The following GPR39 variants were observed in gnomAD, a reference collection of about 807,000 sequenced individuals.
The protein encoded by GPR39 is G protein-coupled receptor 39.
Under a neutral mutation model 18.4 loss-of-function variants are expected in GPR39, and 23 were observed. The observed-to-expected ratio is 1.25, with a 90% confidence interval of 0.90 to 1.77. The LOEUF (loss-of-function observed/expected upper bound fraction) is 1.77, where lower values mean the gene tolerates loss of function less well. GPR39 is among the 40% of genes most tolerant of loss of function. The pLI is 0.00. For synonymous variants in GPR39, 280 were observed against 257.9 expected (o/e 1.09, Z -0.82); for missense variants, 647 against 602.4 (o/e 1.07, Z -0.78).
chr2:132,549,775 C>T (rs770929244), intron 1 of GPR39, among the ~76,000 whole-genome samples: 2 of 151,728 alleles, frequency 1.3e-5, no homozygotes, highest in Non-Finnish European at 2.9e-5. Context: ...TGACAGAGCA[C>T]GACTCCGTCT....
intron 1 of GPR39, among the ~76,000 whole-genome samples, chr2:132,549,330 T>C (rs1359042997): frequency 6.6e-6 from 1 of 152,206 alleles, no homozygotes; most frequent in African/African-American, 2.4e-5. Context: ...GGAGGTCTAC[T>C]GTGTCGATTA....
chr2:132,492,214 A>G (rs1342273083), intron 1 of GPR39, among the ~76,000 whole-genome samples: 1 of 145,852 alleles, frequency 6.9e-6, no homozygotes, highest in Non-Finnish European at 1.5e-5. Context: ...TACCATATAT[A>G]TACATACCAT....
At chr2:132,633,639 C>T (rs891874137) in intron 1 of GPR39, among the ~76,000 whole-genome samples, 12 of 152,088 alleles carry the variant, frequency 7.9e-5, no homozygotes, top group East Asian at 5.8e-4. Flanking sequence ...GTCTTGGTGA[C>T]AGTGATGATG....
At chr2:132,552,863 CATATATATACACATATATATAT>C (rs1680071052) in intron 1 of GPR39, among the ~76,000 whole-genome samples, 2 of 134,896 alleles carry the variant, frequency 1.5e-5, no homozygotes, top group African/African-American at 5.7e-5. Context: ...TATATATATA[CATATATATACACATATATATAT>C]ACACACATAT....
At chr2:132,616,917 C>T (rs941454715) in intron 1 of GPR39, among the ~76,000 whole-genome samples, 1 of 152,244 alleles carries the variant, frequency 6.6e-6, no homozygotes, top group East Asian at 1.9e-4. Context: ...TACTGTTGAG[C>T]TGGATGCTCC....
intron 1 of GPR39, among the ~76,000 whole-genome samples, chr2:132,448,940 A>G (rs1369420750): frequency 6.6e-6 from 1 of 152,220 alleles, no homozygotes; most frequent in African/African-American, 2.4e-5. Flanking sequence ...CAATGGTGTG[A>G]TGCAGATTTC....
intron 1 of GPR39, among the ~76,000 whole-genome samples, chr2:132,585,265 C>T (rs911724887): frequency 3.9e-5 from 6 of 152,018 alleles, no homozygotes; most frequent in Non-Finnish European, 4.4e-5. Context: ...ACATTGCTGC[C>T]GTCCCCAGCT....
chr2:132,600,202 A>G (rs980706290), intron 1 of GPR39, among the ~76,000 whole-genome samples: 26 of 152,262 alleles, frequency 1.7e-4, no homozygotes, highest in Non-Finnish European at 2.9e-5. Context: ...CTCGTAATGA[A>G]TGAAAATAGA....
intron 1 of GPR39, among the ~76,000 whole-genome samples, chr2:132,478,125 A>G (rs1027369298): frequency 5.3e-5 from 8 of 152,264 alleles, no homozygotes; most frequent in African/African-American, 1.9e-4. Context: ...ACTTGGCATT[A>G]CAATGACTCT....
chr2:132,455,678 G>C (rs187063378), intron 1 of GPR39, among the ~76,000 whole-genome samples: 2 of 152,140 alleles, frequency 1.3e-5, no homozygotes, highest in African/African-American at 4.8e-5. Context: ...CTGGTATGTT[G>C]TGTCTTTGTT....
intron 1 of GPR39, among the ~76,000 whole-genome samples, chr2:132,498,075 A>AT (rs1309753123): frequency 1.3e-5 from 2 of 152,104 alleles, no homozygotes; most frequent in Non-Finnish European, 2.9e-5. Context: ...ACTGATGTAT[A>AT]TTTTTTTAAT....
chr2:132,517,462 T>A (rs1250642178), intron 1 of GPR39, among the ~76,000 whole-genome samples: 1 of 152,174 alleles, frequency 6.6e-6, no homozygotes, highest in Non-Finnish European at 1.5e-5. Flanking sequence ...TAGTGCCCTG[T>A]GAAGCATGTG....
chr2:132,545,598 G>A (rs1266069632), intron 1 of GPR39, among the ~76,000 whole-genome samples: 1 of 152,044 alleles, frequency 6.6e-6, no homozygotes, highest in Non-Finnish European at 1.5e-5. Flanking sequence ...AAGACCCAGA[G>A]TTGAATAACA....
intron 1 of GPR39, among the ~76,000 whole-genome samples, chr2:132,562,219 C>T (rs1248296764): frequency 6.6e-6 from 1 of 152,114 alleles, no homozygotes; most frequent in Non-Finnish European, 1.5e-5. Context: ...CCACTGCTTT[C>T]ATCTCTTCTC....
Position 132,646,513 on chromosome 2 carries a change from C to CCAATACCTGTGAATACCTGTTAA in GPR39, c.*908_*930dup. On this transcript the variant is annotated 3_prime_UTR_variant, in exon 2 of 2. Coordinates refer to ENST00000329321, the MANE Select transcript of GPR39 (RefSeq NM_001508.3). ...ACTGTTCCAAAAGCGATTTGAGATG[C>CCAATACCTGTGAATACCTGTTAA]CAATACCTGTGAATACCTGTTAATA... 2.6e-6 allele frequency: 1 copy of CCAATACCTGTGAATACCTGTTAA among 391,016 alleles called. No individual in the cohort carries two copies. Among genetic ancestry groups the CCAATACCTGTGAATACCTGTTAA allele is most frequent in the Non-Finnish European group, 4.5e-6 (1 of 221,880 alleles). The allele number at this position is 391,016 out of a possible 1,614,324, so 24.2% of individuals were successfully genotyped here. A position where few individuals can be genotyped will look rare whatever the true frequency, so the allele number is the denominator to read the frequency against.
intron 1 of GPR39, among the ~76,000 whole-genome samples, chr2:132,534,092 A>G (rs937179983): frequency 1.3e-5 from 2 of 152,234 alleles, no homozygotes; most frequent in African/African-American, 4.8e-5. Flanking sequence ...CAACCTACTC[A>G]TCTGACAAAG....
At chr2:132,554,556 G>T (rs1342431240) in intron 1 of GPR39, among the ~76,000 whole-genome samples, 1 of 152,186 alleles carries the variant, frequency 6.6e-6, no homozygotes, top group Non-Finnish European at 1.5e-5. Context: ...TAGGCTGAAG[G>T]CCATCACTGA....
intron 1 of GPR39, among the ~76,000 whole-genome samples, chr2:132,556,734 C>T (rs1186848104): frequency 6.6e-6 from 1 of 152,128 alleles, no homozygotes; most frequent in African/African-American, 2.4e-5. Flanking sequence ...CCTTAATCTA[C>T]CCCCACTTGG....
At chr2:132,643,232 T>G (rs1681895316) in intron 1 of GPR39, among the ~76,000 whole-genome samples, 1 of 152,236 alleles carries the variant, frequency 6.6e-6, no homozygotes, top group African/African-American at 2.4e-5. Flanking sequence ...AGTTCACTTA[T>G]TTTAGTTTTA....
Sources: gnomAD v4.1 joint callset for allele counts (sites outside exome capture counted in the v4.1 genomes callset) on GRCh38, gnomAD v4.1.1 for gene constraint, MANE v1.5 for transcripts, NCBI Gene and HGNC (gene_info 2026-07-23, HGNC 2026-07-21) for gene names.